The following NEGR1 variants were observed in gnomAD, a reference collection of about 807,000 sequenced individuals.
NEGR1 encodes neuronal growth regulator 1, also known as IgLON family member 4.
NEGR1 carries 10 observed loss-of-function variants against 40.9 expected under a neutral mutation model. That is an observed-to-expected ratio of 0.24 (90% CI 0.15 to 0.42). The LOEUF (loss-of-function observed/expected upper bound fraction) is 0.42, where lower values mean the gene tolerates loss of function less well. Ranked by LOEUF, NEGR1 falls within the 10% of genes least tolerant of loss-of-function variation. The pLI is 1.00. For synonymous variants in NEGR1, 185 were observed against 166.8 expected, an observed-to-expected ratio of 1.11 and a Z score of -0.84; for missense variants, 352 against 438.9, an observed-to-expected ratio of 0.80 and a Z score of 1.77.
At chr1:71,754,293 T>C (rs1475477012) in intron 3 of NEGR1, among the ~76,000 whole-genome samples, 6 of 152,320 alleles carry the variant, frequency 3.9e-5, no homozygotes, top group South Asian at 4.1e-4. Flanking sequence ...AAAGAAAATA[T>C]AAACGAGCAG....
intron 6 of NEGR1, among the ~76,000 whole-genome samples, chr1:71,493,350 T>G (rs1160322115): frequency 2.0e-5 from 3 of 152,080 alleles, no homozygotes; most frequent in Non-Finnish European, 4.4e-5. Context: ...AAATACTTAT[T>G]GATGGGAAGC....
At chr1:72,134,989 G>A (rs1244265173) in intron 1 of NEGR1, among the ~76,000 whole-genome samples, 1 of 151,286 alleles carries the variant, frequency 6.6e-6, no homozygotes, top group Non-Finnish European at 1.5e-5. Context: ...TGCCTACCTC[G>A]GCCTCCCAAA....
chr1:71,966,020 A>G (rs572400644), intron 1 of NEGR1, among the ~76,000 whole-genome samples: 90 of 152,330 alleles, frequency 5.9e-4, no homozygotes, highest in African/African-American at 2.1e-3. Flanking sequence ...TTCAATAACC[A>G]TGTGCTAAAC....
At chr1:71,452,324 C>A (rs564141722) in intron 6 of NEGR1, among the ~76,000 whole-genome samples, 1 of 152,150 alleles carries the variant, frequency 6.6e-6, no homozygotes, top group Non-Finnish European at 1.5e-5. Context: ...TTTGCTTTCA[C>A]TTTTAACAAG....
intron 4 of NEGR1, among the ~76,000 whole-genome samples, chr1:71,625,830 G>A (rs1047393645): frequency 6.6e-5 from 10 of 151,796 alleles, no homozygotes; most frequent in Non-Finnish European, 1.2e-4. Context: ...CATTTTTGAT[G>A]TTTCACTGTG....
intron 4 of NEGR1, among the ~76,000 whole-genome samples, chr1:71,633,450 G>T (rs1264363070): frequency 6.6e-6 from 1 of 152,080 alleles, no homozygotes; most frequent in Non-Finnish European, 1.5e-5. Flanking sequence ...GGGAAGAATG[G>T]AATGGAGGAG....
intron 2 of NEGR1, among the ~76,000 whole-genome samples, chr1:71,857,379 A>G (rs530283995): frequency 1.1e-4 from 17 of 150,096 alleles, no homozygotes; most frequent in African/African-American, 3.9e-4. Context: ...TGGGAAGCCA[A>G]GGGAGGTAGA....
chr1:71,873,230 G>T (rs1464436370), intron 2 of NEGR1, among the ~76,000 whole-genome samples: 2 of 150,292 alleles, frequency 1.3e-5, no homozygotes, highest in Non-Finnish European at 3.0e-5. Flanking sequence ...AAAGTAATTT[G>T]AGTTTTGGGT....
At chr1:72,076,257 T>G (rs1647727469) in intron 1 of NEGR1, among the ~76,000 whole-genome samples, 1 of 152,076 alleles carries the variant, frequency 6.6e-6, no homozygotes, top group Non-Finnish European at 1.5e-5. Context: ...ATGATAGGAA[T>G]TAGTGCCTCT....
intron 1 of NEGR1, among the ~76,000 whole-genome samples, chr1:72,110,725 C>A (rs1191767004): frequency 6.6e-6 from 1 of 151,394 alleles, no homozygotes; most frequent in Non-Finnish European, 1.5e-5. Context: ...AGAAATAAGA[C>A]ACACTTGAAA....
chr1:71,712,142 T>C (rs924930522), intron 3 of NEGR1, among the ~76,000 whole-genome samples: 6 of 152,196 alleles, frequency 3.9e-5, no homozygotes, highest in Admixed American at 3.3e-4. Flanking sequence ...TAAAACTGTA[T>C]GCTACAAATA....
chr1:72,074,932 T>A (rs1423968562), intron 1 of NEGR1, among the ~76,000 whole-genome samples: 1 of 152,132 alleles, frequency 6.6e-6, no homozygotes, highest in Non-Finnish European at 1.5e-5. Context: ...GGAATCGTTT[T>A]CAGCATCTGG....
chr1:72,072,635 G>C (rs1647517221), intron 1 of NEGR1, among the ~76,000 whole-genome samples: 1 of 151,994 alleles, frequency 6.6e-6, no homozygotes, highest in African/African-American at 2.4e-5. Flanking sequence ...AAAAATAATG[G>C]GTTTGATCTA....
At chr1:72,160,462 T>C (rs1375642860) in intron 1 of NEGR1, among the ~76,000 whole-genome samples, 1 of 152,192 alleles carries the variant, frequency 6.6e-6, no homozygotes, top group East Asian at 1.9e-4. Context: ...TCAGGAATTG[T>C]ATTGTTTATG....
chr1:71,769,524 C>T (rs1296892454), intron 3 of NEGR1, among the ~76,000 whole-genome samples: 2 of 152,108 alleles, frequency 1.3e-5, no homozygotes, highest in Admixed American at 6.5e-5. Context: ...AGGGTGGTTA[C>T]CTCCATGCTG....
chr1:71,702,753 C>T (rs947800411), intron 3 of NEGR1, among the ~76,000 whole-genome samples: 2 of 145,402 alleles, frequency 1.4e-5, no homozygotes, highest in South Asian at 2.2e-4. Flanking sequence ...CACTTTCAGA[C>T]ATTGGACAGT....
chr1:71,576,336 T>G (rs370780510), intron 6 of NEGR1, among the ~76,000 whole-genome samples: 15 of 152,276 alleles, frequency 9.9e-5, no homozygotes, highest in Admixed American at 8.5e-4. Context: ...ACCATAGTAT[T>G]TTGGGGTTGC....
At chr1:72,030,777 C>T (rs532375601) in intron 1 of NEGR1, among the ~76,000 whole-genome samples, 2 of 152,132 alleles carry the variant, frequency 1.3e-5, no homozygotes, top group South Asian at 2.1e-4. Context: ...ATGCCGGATA[C>T]CCTTGGAAAA....
chr1:72,203,405 G>C (rs920382051), intron 1 of NEGR1, among the ~76,000 whole-genome samples: 2 of 152,034 alleles, frequency 1.3e-5, no homozygotes, highest in African/African-American at 4.8e-5. Flanking sequence ...AAGATAACTA[G>C]AAATAGAAGT....
Sources: allele counts gnomAD v4.1 joint callset (sites outside exome capture counted in the v4.1 genomes callset), GRCh38; gene constraint gnomAD v4.1.1; transcripts MANE v1.5; gene names NCBI Gene and HGNC (gene_info 2026-07-23, HGNC 2026-07-21).